CD55: variants seen among roughly 807,000 people sequenced by gnomAD.
The protein encoded by CD55 is complement decay-accelerating factor.
A neutral mutation model predicts 45.8 loss-of-function variants in CD55; 41 were observed. The observed-to-expected ratio is 0.90, with a 90% CI of 0.70 to 1.16. The LOEUF is 1.16. Ranked by LOEUF, CD55 falls within the 50% of genes most tolerant of loss-of-function variation. The probability of loss-of-function intolerance (pLI) is 0.00; values close to 1 mark genes in which losing one functional copy is unlikely to be tolerated. For missense variants in CD55, 416 were observed against 469.8 expected (o/e 0.89, Z 1.06); for synonymous variants, 181 against 181.1 (o/e 1.00, Z 0.01).
intron 8 of CD55, 124 bp downstream of exon 8, chr1:207,337,533 A>G (rs1655239842): frequency 6.7e-6 from 4 of 593,182 alleles, no homozygotes; most frequent in Middle Eastern, 2.6e-4. Context: ...TTTTCATACT[A>G]ATACTTTTTA....
intron 1 of CD55, chr1:207,322,157 A>G (rs192103162): frequency 4.1e-5 from 28 of 682,632 alleles, no homozygotes; most frequent in Admixed American, 2.8e-4. Context: ...GGGCTCAAAG[A>G]GACTGTATCC....
At chr1:207,336,553 A>G (rs1182024008) in intron 6 of CD55, 140 bp from the exon 7 acceptor site, 11 of 903,014 alleles carry the variant, frequency 1.2e-5, no homozygotes, top group East Asian at 2.5e-5. Context: ...GAAATACTCA[A>G]TAAGAGTTGG....
intron 9 of CD55, chr1:207,347,151 G>A: frequency 2.2e-6 from 1 of 456,256 alleles, no homozygotes; most frequent in South Asian, 1.5e-5. Context: ...CATGGAAGAG[G>A]AGAAGACCAG....
At chr1:207,347,159 C>T (rs1288854711) in intron 9 of CD55, 1 of 456,214 alleles carries the variant, frequency 2.2e-6, no homozygotes, top group South Asian at 1.5e-5. Context: ...AGGAGAAGAC[C>T]AGAGGCATCT....
intron 9 of CD55, among the ~76,000 whole-genome samples, chr1:207,355,441 T>C (rs1220107096): frequency 6.6e-6 from 1 of 152,192 alleles, no homozygotes; most frequent in Non-Finnish European, 1.5e-5. Context: ...ATAAAAATGA[T>C]TTGATGTTGA....
intron 9 of CD55, among the ~76,000 whole-genome samples, chr1:207,343,537 A>T (rs895109283): frequency 5.9e-5 from 9 of 152,136 alleles, no homozygotes; most frequent in African/African-American, 1.7e-4. Flanking sequence ...GTTTGAGAAG[A>T]TACTTGATAC....
intron 9 of CD55, chr1:207,354,010 T>C: frequency 1.3e-6 from 2 of 1,534,796 alleles, no homozygotes; most frequent in Non-Finnish European, 1.7e-6. Flanking sequence ...TTGTTAGCTC[T>C]GCAAGTTAGA....
rs753202580 is a variant in CD55, at chr1:207,359,653, T to A, written c.*43T>A. ...AGAAAATACACACAAGTATACAGAC[T>A]GTTCCTAGTTTCTTAGACTTATCTG... On this transcript the variant is annotated 3_prime_UTR_variant, in exon 10 of 10. Transcript: ENST00000367064. The A allele has an allele frequency of 3.2e-6, 5 of 1,549,602 alleles. No homozygotes were observed. Among genetic ancestry groups the A allele is most frequent in the Middle Eastern group, 1.7e-4 (1 of 5,762 alleles).
At chr1:207,339,336 A>G (rs924721150) in intron 8 of CD55, 61 bp from the exon 9 acceptor site, 10 of 1,298,446 alleles carry the variant, frequency 7.7e-6, no homozygotes, top group Non-Finnish European at 1.1e-5. Flanking sequence ...TGAAATTGCT[A>G]GCAAATCAAT....
In CD55 at chr1:207,346,174, AG is replaced by A. The variant is rs1655629514; in HGVS notation, c.1081+6758del. On this transcript the variant is annotated intron_variant, in intron 9 of 9. Transcript: ENST00000367064. ...CTGTGGGACACAAGCAGTCTGTGCC[AG>A]TGTTGGCTGTGGGTGCGGTGATTGG... is the stretch of plus-strand genomic sequence containing the variant. Among the ~76,000 whole-genome samples the A allele has an allele frequency of 3.9e-5, 6 of 152,336 alleles. No homozygotes were observed. In the South Asian group the frequency reaches 1.2e-3, roughly 32 times the overall value.
At chr1:207,336,925 A>G (rs1199954746) in intron 7 of CD55, 107 bp downstream of exon 7, 13 of 1,317,976 alleles carry the variant, frequency 9.9e-6, no homozygotes, top group Middle Eastern at 1.8e-4. Context: ...TCCCAGCTAC[A>G]ATAGTCACAC....
At chr1:207,345,227 A>AT (rs1187902556) in intron 9 of CD55, among the ~76,000 whole-genome samples, 1 of 151,806 alleles carries the variant, frequency 6.6e-6, no homozygotes, top group Non-Finnish European at 1.5e-5. Flanking sequence ...AACTTTGCCC[A>AT]TTTTTTTATT....
chr1:207,344,726 G>A (rs1367581309), intron 9 of CD55, among the ~76,000 whole-genome samples: 1 of 147,084 alleles, frequency 6.8e-6, no homozygotes, highest in South Asian at 2.1e-4. Context: ...TTTTTTTTTG[G>A]TTTTGAGACA....
chr1:207,339,361 T>G, intron 8 of CD55, 36 bp from the exon 9 acceptor site: 1 of 1,578,698 alleles, frequency 6.3e-7, no homozygotes, highest in Non-Finnish European at 8.7e-7. Flanking sequence ...TTAACAAATT[T>G]TTGTTGTTAA....
chr1:207,360,950 CTT>C lies in CD55; in HGVS notation c.*1346_*1347del, dbSNP rs1479305878. ...TTAATGTGTATTTCTTAAAATAAAA[CTT>C]TTTTTCCTCCTTAACCACAGTTATC... On this transcript the variant is annotated 3_prime_UTR_variant, in exon 10 of 10. Transcript: ENST00000367064. The C allele has an allele frequency of 2.6e-5, 4 of 152,160 alleles. No homozygotes were observed. Among genetic ancestry groups the C allele is most frequent in the African/African-American group, 9.6e-5 (4 of 41,514 alleles). 9.4% of individuals were successfully genotyped at this position (152,160 alleles called of 1,614,324 possible). A position where few individuals can be genotyped will look rare whatever the true frequency, so the allele number is the denominator to read the frequency against.
rs781529960 is a variant in CD55 at position 207,325,734 on chromosome 1, A to C, written c.578+13A>C. ...CATGTAACACAGGGTAAGTTTGGGC[A>C]TACTAAAACCCTGTATTTAGGAAAT... On this transcript the variant is annotated intron_variant, in intron 4 of 9. Transcript: ENST00000367064. 15 of 1,474,816 alleles carry C rather than the reference A, an allele frequency of 1.0e-5. No individual in the cohort carries two copies. The East Asian group carries it at 3.0e-4, about 29-fold the overall frequency. 91.4% of individuals were successfully genotyped at this position (1,474,816 alleles called of 1,614,324 possible). A position where few individuals can be genotyped will look rare whatever the true frequency, so the allele number is the denominator to read the frequency against.
intron 9 of CD55, 138 bp from the exon 10 acceptor site, chr1:207,359,408 A>AT (rs1162376925): frequency 8.8e-5 from 66 of 752,352 alleles, no homozygotes; most frequent in Non-Finnish European, 1.0e-4. Flanking sequence ...ATTACTCATT[A>AT]TTTTTTTTGT....
At chr1:207,322,654 G>T in intron 2 of CD55, 87 bp downstream of exon 2, 1 of 1,141,426 alleles carries the variant, frequency 8.8e-7, no homozygotes. Context: ...ACTAGTAATT[G>T]ATAGTTCTCT....
At chr1:207,331,376 C>A in intron 6 of CD55, 80 bp downstream of exon 6, 5 of 1,107,166 alleles carry the variant, frequency 4.5e-6, no homozygotes, top group Middle Eastern at 4.1e-4. Context: ...TCAATGAACC[C>A]CCTAAGAAAA....
Sources: gnomAD v4.1 joint callset for allele counts (sites outside exome capture counted in the v4.1 genomes callset) on GRCh38, gnomAD v4.1.1 for gene constraint, MANE v1.5 for transcripts, NCBI Gene and HGNC (gene_info 2026-07-23, HGNC 2026-07-21) for gene names.